The following MYT1L variants were observed in gnomAD, a reference collection of about 807,000 sequenced individuals.
MYT1L encodes myelin transcription factor 1 like.
Under a neutral mutation model 126.7 loss-of-function variants are expected in MYT1L, and 12 were observed. The ratio of observed to expected loss-of-function variants is 0.09; its 90% CI spans 0.06 to 0.15. The LOEUF is 0.15. Ranked by LOEUF, MYT1L falls within the 10% of genes least tolerant of loss-of-function variation. The pLI is 1.00. For synonymous variants in MYT1L, 541 were observed against 604.2 expected, an observed-to-expected ratio of 0.90 and a Z score of 1.53; for missense variants, 979 against 1,585.2, an observed-to-expected ratio of 0.62 and a Z score of 6.49.
chr2:1,971,305 T>C (rs2059791438), intron 8 of MYT1L, among the ~76,000 whole-genome samples: 1 of 152,224 alleles, frequency 6.6e-6, no homozygotes, highest in South Asian at 2.1e-4. Flanking sequence ...CCCAGAGGTG[T>C]GTCTCCTGGG....
intron 2 of MYT1L, among the ~76,000 whole-genome samples, chr2:2,267,479 C>T (rs1019423511): frequency 6.6e-6 from 1 of 151,898 alleles, no homozygotes; most frequent in African/African-American, 2.4e-5. Flanking sequence ...GCGGATGTGG[C>T]GATACACCAT....
intron 14 of MYT1L, among the ~76,000 whole-genome samples, chr2:1,893,482 G>A (rs2049180805): frequency 6.6e-6 from 1 of 152,142 alleles, no homozygotes; most frequent in Non-Finnish European, 1.5e-5. Flanking sequence ...TTGGTGATAG[G>A]CTAGAGACAC....
intron 2 of MYT1L, among the ~76,000 whole-genome samples, chr2:2,256,105 C>T (rs537001551): frequency 5.3e-5 from 8 of 152,150 alleles, no homozygotes; most frequent in African/African-American, 1.7e-4. Flanking sequence ...CATCTTCACT[C>T]GCGTCGGGCC....
intron 5 of MYT1L, among the ~76,000 whole-genome samples, chr2:1,986,769 C>T (rs2061058357): frequency 6.6e-5 from 10 of 152,096 alleles, no homozygotes; most frequent in Admixed American, 6.5e-4. Flanking sequence ...CATCTCAGGC[C>T]AAGGGGGTCG....
intron 15 of MYT1L, among the ~76,000 whole-genome samples, chr2:1,890,464 C>T (rs1049564730): frequency 6.6e-6 from 1 of 151,866 alleles, no homozygotes; most frequent in South Asian, 2.1e-4. Flanking sequence ...CAGTGATTAC[C>T]GTCTGATCTC....
Position 2,105,562 on chromosome 2 carries a change from A to C in MYT1L, c.-303-51439T>G, listed in dbSNP as rs145967173. Among the ~76,000 whole-genome samples the C allele has an allele frequency of 5.3e-3, 806 of 152,286 alleles. 6 individuals carry two copies. The highest frequency in any genetic ancestry group is 0.018 in the African/African-American group (756 of 41,552). Reference sequence around the variant, plus strand: ...TAATATGTTCTTTTTTAATGACAAAATGCTAATTTTAAAATGGATGTGTAT... The same window carrying C: ...TAATATGTTCTTTTTTAATGACAAACTGCTAATTTTAAAATGGATGTGTAT... On this transcript the variant is annotated intron_variant, in intron 3 of 24. Transcript: ENST00000647738.
intron 21 of MYT1L, among the ~76,000 whole-genome samples, chr2:1,815,287 C>A (rs564763850): frequency 1.3e-5 from 2 of 152,156 alleles, no homozygotes; most frequent in Non-Finnish European, 2.9e-5. Context: ...TGTGTTGGTG[C>A]GGATGTCTCT....
intron 5 of MYT1L, among the ~76,000 whole-genome samples, chr2:1,981,718 G>GA (rs2060625219): frequency 6.6e-6 from 1 of 152,142 alleles, no homozygotes; most frequent in Non-Finnish European, 1.5e-5. Flanking sequence ...ACATGTTTTA[G>GA]AAAAAAACAA....
At chr2:1,990,366 C>T (rs779108077) in intron 5 of MYT1L, among the ~76,000 whole-genome samples, 36 of 152,200 alleles carry the variant, frequency 2.4e-4, no homozygotes, top group Admixed American at 2.0e-4. Flanking sequence ...TTCTTGAATT[C>T]TGTGGTTCCT....
At chr2:2,225,290 A>G (rs1028529936) in intron 2 of MYT1L, among the ~76,000 whole-genome samples, 4 of 152,152 alleles carry the variant, frequency 2.6e-5, no homozygotes, top group African/African-American at 9.7e-5. Context: ...CAACCAGGGC[A>G]GGGGGTTGTA....
chr2:2,298,064 C>A lies in MYT1L; in HGVS notation c.-520-13561G>T, dbSNP rs1573322436. On this transcript the variant is annotated intron_variant, in intron 1 of 24. Transcript: ENST00000647738. ...CTTAACTTGCTCAGCCCCTGGTGCC[C>A]TAACAAAGCTATGCTGTGAGGACCA... 2.6e-5 allele frequency among the ~76,000 whole-genome samples: 4 copies of A among 152,346 alleles called. No individual in the cohort carries two copies. In the South Asian group the frequency reaches 8.3e-4, roughly 32 times the overall value.
chr2:1,854,662 C>T (rs34502062), intron 18 of MYT1L, among the ~76,000 whole-genome samples: 1 of 152,124 alleles, frequency 6.6e-6, no homozygotes, highest in Admixed American at 6.6e-5. Flanking sequence ...TGGAAGGAGG[C>T]TTTTCTCTCT....
chr2:2,262,418 C>T (rs1296533385), intron 2 of MYT1L, among the ~76,000 whole-genome samples: 1 of 151,426 alleles, frequency 6.6e-6, no homozygotes, highest in Non-Finnish European at 1.5e-5. Context: ...TTAGGCAGGG[C>T]GCGGTGGCTC....
chr2:2,063,151 C>A (rs761439357), intron 3 of MYT1L, among the ~76,000 whole-genome samples: 1 of 152,088 alleles, frequency 6.6e-6, no homozygotes, highest in Non-Finnish European at 1.5e-5. Flanking sequence ...TCTAAGTGAT[C>A]TCTTAGTGAT....
intron 2 of MYT1L, among the ~76,000 whole-genome samples, chr2:2,281,532 A>G (rs932793251): frequency 6.6e-6 from 1 of 152,240 alleles, no homozygotes; most frequent in Non-Finnish European, 1.5e-5. Flanking sequence ...AGTGGTCAAC[A>G]ACTGAGGCCA....
At chr2:2,209,488 G>A (rs980991487) in intron 2 of MYT1L, among the ~76,000 whole-genome samples, 2 of 152,102 alleles carry the variant, frequency 1.3e-5, no homozygotes, top group African/African-American at 4.8e-5. Flanking sequence ...AAGTATGTGA[G>A]AACATGTGAA....
intron 18 of MYT1L, among the ~76,000 whole-genome samples, chr2:1,875,388 C>T (rs955449480): frequency 1.3e-5 from 2 of 152,178 alleles, no homozygotes; most frequent in African/African-American, 2.4e-5. Context: ...GAGGGAAGGG[C>T]GTGACGTGGT....
At chr2:2,072,023 A>AT (rs1218739971) in intron 3 of MYT1L, among the ~76,000 whole-genome samples, 1 of 152,216 alleles carries the variant, frequency 6.6e-6, no homozygotes, top group Non-Finnish European at 1.5e-5. Context: ...GTAAATATAG[A>AT]TTTTTAACAT....
chr2:2,154,764 A>G (rs1437407523), intron 3 of MYT1L, among the ~76,000 whole-genome samples: 1 of 152,192 alleles, frequency 6.6e-6, no homozygotes, highest in African/African-American at 2.4e-5. Flanking sequence ...AATCTGTACA[A>G]CAAACCCCTG....
Sources: gnomAD v4.1 joint callset for allele counts (sites outside exome capture counted in the v4.1 genomes callset) on GRCh38, gnomAD v4.1.1 for gene constraint, MANE v1.5 for transcripts, NCBI Gene and HGNC (gene_info 2026-07-23, HGNC 2026-07-21) for gene names.